Variants in FAM185A observed in about 807,000 individuals in gnomAD.
FAM185A encodes the protein protein FAM185A.
Under a neutral mutation model 45.7 loss-of-function variants are expected in FAM185A, and 21 were observed. The observed-to-expected ratio is 0.46, with a 90% CI of 0.33 to 0.66. The LOEUF is 0.66. Ranked by LOEUF, FAM185A falls within the 30% of genes least tolerant of loss-of-function variation. FAM185A has a pLI of 0.03. For synonymous variants in FAM185A, 117 were observed against 194.0 expected (o/e 0.60, Z 3.30); for missense variants, 305 against 485.4 (o/e 0.63, Z 3.49).
chr7:102,846,670 G>A, the FAM185A span, among the ~76,000 whole-genome samples: 2 of 151,618 alleles, frequency 1.3e-5, no homozygotes, highest in African/African-American at 4.9e-5. Context: ...CTTACTTGAA[G>A]GTATGGAGTA....
At chr7:102,830,001 A>G in the FAM185A span, among the ~76,000 whole-genome samples, 2 of 152,146 alleles carry the variant, frequency 1.3e-5, no homozygotes, top group Non-Finnish European at 2.9e-5. Context: ...CAGATGGTAA[A>G]GCTAAATCTT....
chr7:102,767,022 CTGACCTCAGG>C (rs1562851807), intron 4 of FAM185A, among the ~76,000 whole-genome samples: 1 of 152,106 alleles, frequency 6.6e-6, no homozygotes, highest in Admixed American at 6.5e-5. Flanking sequence ...TCTCAAACTC[CTGACCTCAGG>C]TGATCCGCAC....
the FAM185A span, among the ~76,000 whole-genome samples, chr7:102,839,560 C>T: frequency 1.3e-5 from 2 of 152,194 alleles, no homozygotes; most frequent in African/African-American, 4.8e-5. Context: ...TCAAGAGATT[C>T]TCGTTCCTCA....
intron 2 of FAM185A, among the ~76,000 whole-genome samples, chr7:102,756,526 A>T (rs1424859439): frequency 6.6e-6 from 1 of 151,826 alleles, no homozygotes. Context: ...GCGTGATGGC[A>T]TACGCTTGTA....
chr7:102,755,605 TGAC>T (rs1793665837), intron 2 of FAM185A: 1 of 624,818 alleles, frequency 1.6e-6, no homozygotes, highest in South Asian at 1.7e-5. Flanking sequence ...CCGCTGGTGG[TGAC>T]TGCACACGAC....
downstream of FAM185A, among the ~76,000 whole-genome samples, chr7:102,812,813 T>C (rs1797505789): frequency 6.6e-6 from 1 of 151,958 alleles, no homozygotes. Context: ...GGCAGAAATT[T>C]TGTGTAGTCA....
chr7:102,830,824 A>G, the FAM185A span, among the ~76,000 whole-genome samples: 2 of 152,190 alleles, frequency 1.3e-5, no homozygotes, highest in African/African-American at 4.8e-5. Context: ...AGGATTTTCA[A>G]AAAAATTTCT....
At chr7:102,791,429 C>T (rs183031903) in intron 7 of FAM185A, among the ~76,000 whole-genome samples, 15 of 152,390 alleles carry the variant, frequency 9.8e-5, no homozygotes, top group East Asian at 3.9e-4. Flanking sequence ...AATATAAAGA[C>T]GAATGAATGC....
intron 4 of FAM185A, among the ~76,000 whole-genome samples, chr7:102,765,590 CT>C (rs1301236289): frequency 6.6e-6 from 1 of 152,060 alleles, no homozygotes; most frequent in Non-Finnish European, 1.5e-5. Flanking sequence ...TATATCTTTC[CT>C]GGCCTTGCAA....
At chr7:102,807,545 CAA>C (rs1012068457) in intron 7 of FAM185A, among the ~76,000 whole-genome samples, 1 of 129,560 alleles carries the variant, frequency 7.7e-6, no homozygotes, top group Non-Finnish European at 1.7e-5. Flanking sequence ...CTCCAATATT[CAA>C]AAAAAAAAAA....
intron 4 of FAM185A, among the ~76,000 whole-genome samples, chr7:102,771,856 A>G (rs1212461592): frequency 6.6e-6 from 1 of 152,162 alleles, no homozygotes; most frequent in Non-Finnish European, 1.5e-5. Flanking sequence ...ACTAAGACGG[A>G]AATCTTTGAA....
At chr7:102,844,092 CCA>C in the FAM185A span, among the ~76,000 whole-genome samples, 7 of 152,192 alleles carry the variant, frequency 4.6e-5, no homozygotes, top group African/African-American at 7.2e-5. Flanking sequence ...TGAACCACTA[CCA>C]CAGACTTCCT....
chr7:102,780,645 G>C (rs1034865805), intron 6 of FAM185A, among the ~76,000 whole-genome samples: 1 of 152,200 alleles, frequency 6.6e-6, no homozygotes, highest in Non-Finnish European at 1.5e-5. Context: ...AGGAGTGTGT[G>C]AAATACCATG....
At chr7:102,817,308 G>A in the FAM185A span, among the ~76,000 whole-genome samples, 1 of 152,092 alleles carries the variant, frequency 6.6e-6, no homozygotes, top group African/African-American at 2.4e-5. Context: ...TCTGATTGGT[G>A]CGAGATGATA....
intron 4 of FAM185A, among the ~76,000 whole-genome samples, chr7:102,765,093 G>A (rs1794311967): frequency 6.6e-6 from 1 of 152,134 alleles, no homozygotes; most frequent in Non-Finnish European, 1.5e-5. Flanking sequence ...GTTAATTAGT[G>A]GAATAGCAAG....
intron 5 of FAM185A, among the ~76,000 whole-genome samples, chr7:102,772,759 TATAA>T (rs1392872733): frequency 1.3e-5 from 2 of 151,808 alleles, no homozygotes; most frequent in Non-Finnish European, 2.9e-5. Flanking sequence ...GAAAGAAAGA[TATAA>T]ATAATGTCAC....
chr7:102,762,285 T>G (rs1794156827), intron 4 of FAM185A, among the ~76,000 whole-genome samples: 1 of 152,208 alleles, frequency 6.6e-6, no homozygotes. Flanking sequence ...GTTTGCATTA[T>G]TGAAAGAAAA....
At chr7:102,806,148 G>GTTA (rs1375799096) in intron 7 of FAM185A, among the ~76,000 whole-genome samples, 1 of 151,900 alleles carries the variant, frequency 6.6e-6, no homozygotes, top group African/African-American at 2.4e-5. Flanking sequence ...TTATTTTGTT[G>GTTA]TTGTTGTTGT....
chr7:102,820,822 C>T, the FAM185A span, among the ~76,000 whole-genome samples: 1 of 152,228 alleles, frequency 6.6e-6, no homozygotes, highest in Non-Finnish European at 1.5e-5. Flanking sequence ...GCAAAGCCCT[C>T]ATCACCTAAT....
Sources: gnomAD v4.1 joint callset for allele counts (sites outside exome capture counted in the v4.1 genomes callset) on GRCh38, gnomAD v4.1.1 for gene constraint, MANE v1.5 for transcripts, NCBI Gene and HGNC (gene_info 2026-07-23, HGNC 2026-07-21) for gene names.